AP3S2: variants seen among roughly 807,000 people sequenced by gnomAD.
AP3S2 encodes adaptor related protein complex 3 subunit sigma 2, also known as AP-3 complex subunit sigma-2.
Under a neutral mutation model 23.4 loss-of-function variants are expected in AP3S2, and 22 were observed. The ratio of observed to expected loss-of-function variants is 0.94; its 90% confidence interval spans 0.67 to 1.34. The LOEUF (loss-of-function observed/expected upper bound fraction) is 1.34. Among genes scored for constraint, AP3S2 ranks in the 40% most tolerant of loss-of-function variants. AP3S2 has a pLI of 0.00. For synonymous variants in AP3S2, 86 were observed against 87.1 expected (o/e 0.99, Z 0.07); for missense variants, 241 against 236.9 (o/e 1.02, Z -0.11).
At chr15:89,893,501 A>C (rs1452976201) in intron 1 of AP3S2, 2 of 396,970 alleles carry the variant, frequency 5.0e-6, no homozygotes, top group African/African-American at 4.1e-5. Flanking sequence ...TCAGAAACTT[A>C]ATATTTCTTC....
intron 4 of AP3S2, 132 bp from the exon 5 acceptor site, chr15:89,837,854 A>T (rs776873112): frequency 2.0e-6 from 2 of 1,002,350 alleles, no homozygotes; most frequent in Non-Finnish European, 2.9e-6. Context: ...AGACACTCAA[A>T]CCCCCCTGCC....
chr15:89,857,060 G>T (rs1286750526), intron 4 of AP3S2, among the ~76,000 whole-genome samples: 3 of 152,116 alleles, frequency 2.0e-5, no homozygotes, highest in African/African-American at 7.2e-5. Flanking sequence ...TTAAAAACTT[G>T]AGAGCATGAG....
chr15:89,877,074 C>A, intron 3 of AP3S2: 1 of 283,494 alleles, frequency 3.5e-6, no homozygotes, highest in South Asian at 3.3e-5. Context: ...GAAACAAGGA[C>A]CAAAATGTCA....
rs548365905 is a variant in AP3S2, at chr15:89,878,718, C to T, written c.274-7172G>A. On this transcript the variant is annotated intron_variant, in intron 3 of 5. Coordinates refer to ENST00000336418, the MANE Select transcript of AP3S2 (RefSeq NM_005829.5). The stretch of plus-strand genomic sequence containing the variant: ...TGAGAATCACAGATGCATGCTACCA[C>T]CCGAGGCTAATTTTTGTTGTTGTTG... Among the ~76,000 whole-genome samples, 5 of 151,898 alleles carry T rather than the reference C, an allele frequency of 3.3e-5. No individual in the cohort carries two copies. The East Asian group carries it at 9.7e-4, about 29-fold the overall frequency.
intron 4 of AP3S2, chr15:89,865,494 C>A (rs915178798): frequency 2.0e-5 from 3 of 152,234 alleles, no homozygotes; most frequent in South Asian, 2.1e-4. Context: ...GGAACACTCA[C>A]CCCCGATTGG....
At chr15:89,839,770 T>C (rs1032380941) in intron 4 of AP3S2, among the ~76,000 whole-genome samples, 1 of 152,090 alleles carries the variant, frequency 6.6e-6, no homozygotes, top group Non-Finnish European at 1.5e-5. Context: ...CAAGTGTCCA[T>C]GAACAGACGA....
chr15:89,893,801 C>T, intron 1 of AP3S2, 80 bp downstream of exon 1: 1 of 1,430,876 alleles, frequency 7.0e-7, no homozygotes, highest in Non-Finnish European at 9.6e-7. Context: ...GAGCGGTGCC[C>T]CCGGGCGCCG....
chr15:89,875,453 G>A (rs899080043), intron 3 of AP3S2, among the ~76,000 whole-genome samples: 6 of 152,164 alleles, frequency 3.9e-5, no homozygotes, highest in African/African-American at 1.2e-4. Flanking sequence ...GAAAGAAAAC[G>A]AAGGACGAAA....
chr15:89,870,822 T>G (rs1205394443), intron 4 of AP3S2, among the ~76,000 whole-genome samples: 1 of 152,150 alleles, frequency 6.6e-6, no homozygotes, highest in East Asian at 1.9e-4. Context: ...GGGGACAGCA[T>G]GTGGTAAGTT....
At chr15:89,871,799 T>C (rs972142578) in intron 3 of AP3S2, among the ~76,000 whole-genome samples, 2 of 152,150 alleles carry the variant, frequency 1.3e-5, no homozygotes, top group African/African-American at 4.8e-5. Flanking sequence ...CATGTGGCTC[T>C]TTCCCCCTTT....
At chr15:89,869,578 A>AG (rs1485940994) in intron 4 of AP3S2, among the ~76,000 whole-genome samples, 2 of 150,836 alleles carry the variant, frequency 1.3e-5, no homozygotes, top group Non-Finnish European at 3.0e-5. Context: ...AAAAAAAAAA[A>AG]AAAAAAAAGA....
intron 4 of AP3S2, among the ~76,000 whole-genome samples, chr15:89,864,698 C>T (rs1053644889): frequency 5.3e-5 from 8 of 151,926 alleles, no homozygotes; most frequent in African/African-American, 1.7e-4. Flanking sequence ...CACACCACCA[C>T]GCCCAGCTAA....
intron 4 of AP3S2, among the ~76,000 whole-genome samples, chr15:89,865,917 A>G (rs1395812409): frequency 6.6e-6 from 1 of 152,142 alleles, no homozygotes; most frequent in Non-Finnish European, 1.5e-5. Flanking sequence ...TACAAATAAC[A>G]CGGAGCAAAG....
At chr15:89,858,765 G>A (rs1031340723) in intron 4 of AP3S2, among the ~76,000 whole-genome samples, 1 of 152,110 alleles carries the variant, frequency 6.6e-6, no homozygotes, top group Admixed American at 6.5e-5. Context: ...CTACAACCTT[G>A]ACAAACACTA....
Position 89,835,561 on chromosome 15 carries a change from A to T in AP3S2, c.536T>A (p.Ile179Asn). The T allele has an allele frequency of 1.2e-6, 2 of 1,614,060 alleles. No homozygotes were observed. Among genetic ancestry groups the T allele is most frequent in the South Asian group, 1.1e-5 (1 of 91,076 alleles). ...NLPEIPRNIN[I>N]GDLNIKVPNL... ...GGGAACTTTGATGTTGAGATCGCCA[A>T]TGTTGATGTTCCGAGGAATCTCTGG... The change falls in exon 6 of 6, where the codon ATT (isoleucine) becomes AAT (asparagine). Residue 179 changes from isoleucine (I) to asparagine (N), a missense_variant. Transcript: ENST00000336418.
intron 4 of AP3S2, among the ~76,000 whole-genome samples, chr15:89,842,668 A>G (rs1167777010): frequency 6.6e-6 from 1 of 152,226 alleles, no homozygotes; most frequent in Non-Finnish European, 1.5e-5. Context: ...GCTGGAGTGC[A>G]GTGGCGCGAT....
At chr15:89,888,959 C>T in intron 2 of AP3S2, 90 bp downstream of exon 2, 1 of 1,485,346 alleles carries the variant, frequency 6.7e-7, no homozygotes, top group Non-Finnish European at 9.3e-7. Flanking sequence ...ATCAAGTACC[C>T]ACCTGACACT....
intron 4 of AP3S2, among the ~76,000 whole-genome samples, chr15:89,869,816 C>T (rs189226347): frequency 5.3e-5 from 8 of 151,754 alleles, no homozygotes; most frequent in South Asian, 4.2e-4. Context: ...AGCAGTGGCG[C>T]GACCTCGGCT....
chr15:89,890,715 G>A (rs1275364496), intron 1 of AP3S2, among the ~76,000 whole-genome samples: 1 of 152,162 alleles, frequency 6.6e-6, no homozygotes, highest in Non-Finnish European at 1.5e-5. Flanking sequence ...CTTGCCCCAA[G>A]AGTTAGAAAA....
Sources: allele counts gnomAD v4.1 joint callset (sites outside exome capture counted in the v4.1 genomes callset), GRCh38; gene constraint gnomAD v4.1.1; transcripts MANE v1.5; gene names NCBI Gene and HGNC (gene_info 2026-07-23, HGNC 2026-07-21).